The following C16orf74 variants were observed in gnomAD, a reference collection of about 807,000 sequenced individuals.
C16orf74 encodes the protein calcimembrin, also known as uncharacterized protein C16orf74.
In C16orf74, 10 loss-of-function variants were observed where a neutral mutation model predicts 6.5. The observed-to-expected ratio is 1.54, with a 90% CI of 0.95 to 2.61. C16orf74 has a LOEUF of 2.61. C16orf74 is among the 30% of genes most tolerant of loss of function. C16orf74 has a pLI of 0.00. For synonymous variants in C16orf74, 60 were observed against 42.5 expected, an observed-to-expected ratio of 1.41 and a Z score of -1.60; for missense variants, 141 against 105.9, an observed-to-expected ratio of 1.33 and a Z score of -1.45.
intron 1 of C16orf74, among the ~76,000 whole-genome samples, chr16:85,748,108 A>ATATATATATATGTGTGTG (rs1491341297): frequency 2.0e-4 from 14 of 68,888 alleles, no homozygotes; most frequent in South Asian, 6.4e-4. Flanking sequence ...ATATATATAC[A>ATATATATATATGTGTGTG]TATATATATA....
chr16:85,744,857 G>A (rs1485114404), intron 1 of C16orf74, among the ~76,000 whole-genome samples: 3 of 135,426 alleles, frequency 2.2e-5, no homozygotes, highest in Non-Finnish European at 4.6e-5. Flanking sequence ...AAAACTCTCC[G>A]TCAGCCGGGT....
intron 2 of C16orf74, among the ~76,000 whole-genome samples, chr16:85,731,379 C>T (rs2054185545): frequency 6.6e-6 from 1 of 152,204 alleles, no homozygotes; most frequent in South Asian, 2.1e-4. Context: ...AAGGCCAAAT[C>T]GTTAAGGGGC....
intron 1 of C16orf74, among the ~76,000 whole-genome samples, chr16:85,744,441 GCT>G (rs754528040): frequency 1.3e-5 from 2 of 151,808 alleles, no homozygotes; most frequent in South Asian, 2.1e-4. Flanking sequence ...ATTGAATTGG[GCT>G]CTGTTTATGT....
At chr16:85,744,607 G>A (rs1274409105) in intron 1 of C16orf74, among the ~76,000 whole-genome samples, 3 of 152,104 alleles carry the variant, frequency 2.0e-5, no homozygotes, top group East Asian at 1.9e-4. Context: ...AAGGCGGGCG[G>A]ATCACGAGGT....
intron 2 of C16orf74, among the ~76,000 whole-genome samples, chr16:85,730,395 C>CA (rs1017214226): frequency 6.6e-6 from 1 of 152,082 alleles, no homozygotes; most frequent in Non-Finnish European, 1.5e-5. Context: ...AGATGAGTGC[C>CA]AAGGTGCCTC....
chr16:85,737,724 A>T (rs1336501471), intron 1 of C16orf74, among the ~76,000 whole-genome samples: 1 of 152,092 alleles, frequency 6.6e-6, no homozygotes, highest in Non-Finnish European at 1.5e-5. Context: ...CCAGCTACTC[A>T]TGAGTCTTGG....
intron 1 of C16orf74, chr16:85,743,995 A>T (rs9922856): frequency 0.59 from 89,716 of 150,968 alleles, 27,346 homozygotes; most frequent in East Asian, 0.81. Flanking sequence ...CGGAGCTTGC[A>T]ATGAGTCGAG....
At chr16:85,748,907 G>A (rs1451055756) in intron 1 of C16orf74, among the ~76,000 whole-genome samples, 3 of 150,258 alleles carry the variant, frequency 2.0e-5, no homozygotes, top group East Asian at 2.0e-4. Flanking sequence ...GGTCCATTCA[G>A]ATGATTGGGA....
intron 2 of C16orf74, among the ~76,000 whole-genome samples, chr16:85,732,729 C>T (rs957513205): frequency 2.6e-5 from 4 of 151,708 alleles, no homozygotes; most frequent in Non-Finnish European, 5.9e-5. Flanking sequence ...AAGTCACCCC[C>T]ATGCTTGTGT....
At chr16:85,745,415 C>T (rs2054362492) in intron 1 of C16orf74, among the ~76,000 whole-genome samples, 2 of 152,212 alleles carry the variant, frequency 1.3e-5, no homozygotes, top group African/African-American at 4.8e-5. Context: ...CACAAATTAC[C>T]AGCTCACAAC....
At chr16:85,724,240 G>A (rs2054110711) in intron 2 of C16orf74, among the ~76,000 whole-genome samples, 1 of 152,192 alleles carries the variant, frequency 6.6e-6, no homozygotes, top group African/African-American at 2.4e-5. Flanking sequence ...GAGACCCCCG[G>A]TGGGACCGTG....
At chr16:85,730,654 C>T (rs1178528910) in intron 2 of C16orf74, among the ~76,000 whole-genome samples, 2 of 138,342 alleles carry the variant, frequency 1.4e-5, no homozygotes, top group African/African-American at 2.8e-5. Context: ...GCCAACTGAA[C>T]CCCCAGATTA....
In C16orf74 at chr16:85,710,208, G is replaced by T; in HGVS notation, c.128C>A (p.Pro43His). 6.7e-7 allele frequency: 1 copy of T among 1,497,740 alleles called. No homozygotes were observed. Among genetic ancestry groups the T allele is most frequent in the Non-Finnish European group, 8.8e-7 (1 of 1,135,216 alleles). The allele number at this position is 1,497,740 out of a possible 1,614,324, so 92.8% of individuals were successfully genotyped here. The part of the protein sequence containing the change: ...LDVPDIIITP[P>H]TPTGMMLPRD... ...CGGCAGCATCATGCCCGTGGGGGTG[G>T]GGGGCGTGATGATGATGTCGGGCAC... Residue 43 changes from proline (P) to histidine (H), a missense_variant, in exon 3 of 4, where the codon CCC becomes CAC. Physicochemically the swap from Pro to His is moderately conservative, Grantham distance 77. Transcript: ENST00000284245.
In C16orf74 at chr16:85,716,597, G is replaced by A. The variant is rs149128410; in HGVS notation, c.29-6290C>T. 1.3e-3 allele frequency among the ~76,000 whole-genome samples: 188 copies of A among 148,762 alleles called. 2 individuals are homozygous for A. Among genetic ancestry groups the A allele is most frequent in the African/African-American group, 4.5e-3 (180 of 40,268 alleles). ...GGGAAGGAGGGAGAAAAGGAGGGAGGAGGAAAGACAGGGCAGGAAGAGGAA... is the reference window on the plus strand; with the variant it reads ...GGGAAGGAGGGAGAAAAGGAGGGAGAAGGAAAGACAGGGCAGGAAGAGGAA... On this transcript the variant is annotated intron_variant, in intron 2 of 3. Coordinates refer to ENST00000284245, the MANE Select transcript of C16orf74 (RefSeq NM_206967.3).
At chr16:85,713,904 T>C (rs1261696125) in intron 2 of C16orf74, among the ~76,000 whole-genome samples, 1 of 152,198 alleles carries the variant, frequency 6.6e-6, no homozygotes, top group African/African-American at 2.4e-5. Context: ...ATCTGCCCTG[T>C]GAGCGTCTTC....
intron 1 of C16orf74, among the ~76,000 whole-genome samples, chr16:85,742,423 C>G (rs2054319154): frequency 6.6e-6 from 1 of 152,160 alleles, no homozygotes; most frequent in African/African-American, 2.4e-5. Context: ...TTGCTGCCAC[C>G]CTCTCGCCAC....
rs1004649086 is a variant in C16orf74, at chr16:85,738,449, C to T, written c.-18-3214G>A. ...AAGTGATTCTCCTGCCTCAGCCTCC[C>T]GAGTAGCTGGGACTACAGGCGTGCA... On this transcript the variant is annotated intron_variant, in intron 1 of 3. Coordinates refer to ENST00000284245, the MANE Select transcript of C16orf74 (RefSeq NM_206967.3). 6.6e-5 allele frequency among the ~76,000 whole-genome samples: 10 copies of T among 151,176 alleles called. No individual in the cohort carries two copies. In the South Asian group the frequency reaches 8.4e-4, roughly 13 times the overall value.
intron 1 of C16orf74, among the ~76,000 whole-genome samples, chr16:85,743,921 T>G (rs2054339821): frequency 6.6e-6 from 1 of 150,482 alleles, no homozygotes; most frequent in African/African-American, 2.4e-5. Flanking sequence ...GGGCATGGTG[T>G]TGGGCGCCTG....
intron 1 of C16orf74, chr16:85,743,548 G>C (rs181699394): frequency 6.6e-6 from 1 of 152,212 alleles, no homozygotes; most frequent in Non-Finnish European, 1.5e-5. Context: ...GCACTGGGTT[G>C]CAGTGTTCTA....
Sources: gnomAD v4.1 joint callset for allele counts (sites outside exome capture counted in the v4.1 genomes callset) on GRCh38, gnomAD v4.1.1 for gene constraint, MANE v1.5 for transcripts, NCBI Gene and HGNC (gene_info 2026-07-23, HGNC 2026-07-21) for gene names.